CTNNA2: variants seen among roughly 807,000 people sequenced by gnomAD.
CTNNA2 encodes the protein catenin alpha 2, also known as catenin alpha-2.
A neutral mutation model predicts 101.0 loss-of-function variants in CTNNA2; 42 were observed. The ratio of observed to expected loss-of-function variants is 0.42; its 90% confidence interval spans 0.32 to 0.54. The LOEUF (loss-of-function observed/expected upper bound fraction) is 0.54, where lower values mean the gene tolerates loss of function less well. Among genes scored for constraint, CTNNA2 ranks in the 20% least tolerant of loss-of-function variants. The probability of loss-of-function intolerance (pLI) is 0.14; values close to 1 mark genes in which losing one functional copy is unlikely to be tolerated. For synonymous variants in CTNNA2, 450 were observed against 456.4 expected (o/e 0.99, Z 0.18); for missense variants, 871 against 1,223.1 (o/e 0.71, Z 4.29).
chr2:79,930,861 T>C (rs1687393317), intron 7 of CTNNA2, among the ~76,000 whole-genome samples: 1 of 152,204 alleles, frequency 6.6e-6, no homozygotes. Context: ...CTTTGGAATA[T>C]CCCTGGCTTG....
intron 3 of CTNNA2, among the ~76,000 whole-genome samples, chr2:79,753,135 G>A (rs781743642): frequency 1.4e-5 from 2 of 142,006 alleles, no homozygotes; most frequent in African/African-American, 5.2e-5. Flanking sequence ...TGGATCTCCC[G>A]TACATTTTTA....
intron 3 of CTNNA2, among the ~76,000 whole-genome samples, chr2:79,796,401 A>AAG (rs1675702627): frequency 6.6e-6 from 1 of 152,004 alleles, no homozygotes; most frequent in African/African-American, 2.4e-5. Context: ...TCTCAAAAAA[A>AAG]AAAAAAAAAA....
intron 7 of CTNNA2, among the ~76,000 whole-genome samples, chr2:79,993,291 C>A (rs1037239166): frequency 6.6e-6 from 1 of 152,192 alleles, no homozygotes; most frequent in African/African-American, 2.4e-5. Context: ...CAACTTCCTG[C>A]AGCATGGTAT....
intron 7 of CTNNA2, among the ~76,000 whole-genome samples, chr2:80,209,220 GAGA>G (rs1707732930): frequency 1.5e-4 from 20 of 137,640 alleles, no homozygotes; most frequent in Admixed American, 1.4e-3. Flanking sequence ...TTTTTTTTCT[GAGA>G]AGGAGTCTTG....
At chr2:79,185,495 T>C (rs956484163) in intron 1 of CTNNA2, 1 of 152,204 alleles carries the variant, frequency 6.6e-6, no homozygotes, top group Non-Finnish European at 1.5e-5. Flanking sequence ...TTTTCATGTA[T>C]CTTGGGACAT....
At chr2:79,208,714 C>A (rs1572979178) in intron 2 of CTNNA2, among the ~76,000 whole-genome samples, 1 of 152,290 alleles carries the variant, frequency 6.6e-6, no homozygotes, top group South Asian at 2.1e-4. Context: ...CCATTCAGGG[C>A]CCTCTTCATT....
intron 7 of CTNNA2, among the ~76,000 whole-genome samples, chr2:80,020,628 T>C (rs1295637562): frequency 6.6e-6 from 1 of 152,218 alleles, no homozygotes; most frequent in East Asian, 1.9e-4. Context: ...ACTATTCTTC[T>C]ATACTATGCA....
At chr2:80,210,738 G>T (rs1486636518) in intron 7 of CTNNA2, among the ~76,000 whole-genome samples, 1 of 152,132 alleles carries the variant, frequency 6.6e-6, no homozygotes, top group Non-Finnish European at 1.5e-5. Flanking sequence ...CCCAGTAATG[G>T]CATGGCTGGG....
chr2:79,810,730 A>T (rs1171013065), intron 3 of CTNNA2, among the ~76,000 whole-genome samples: 1 of 148,780 alleles, frequency 6.7e-6, no homozygotes, highest in African/African-American at 2.5e-5. Context: ...TCCTGTGTCC[A>T]TGTGTTCTCA....
At chr2:80,576,820 G>T (rs182557878) in intron 13 of CTNNA2, among the ~76,000 whole-genome samples, 75 of 120,878 alleles carry the variant, frequency 6.2e-4, no homozygotes, top group Admixed American at 1.1e-3. Context: ...ACAAAAATCA[G>T]CCAGGCATGT....
chr2:79,528,788 A>C (rs562390044), intron 1 of CTNNA2, among the ~76,000 whole-genome samples: 62 of 152,274 alleles, frequency 4.1e-4, no homozygotes, highest in Middle Eastern at 6.8e-3. Flanking sequence ...AATTATGTTT[A>C]TATCTAGCCA....
chr2:79,795,553 T>C (rs1013261838), intron 3 of CTNNA2, among the ~76,000 whole-genome samples: 2 of 152,130 alleles, frequency 1.3e-5, no homozygotes, highest in African/African-American at 4.8e-5. Context: ...ATTTAATTTG[T>C]TTATGAAAAG....
At chr2:80,256,360 G>T (rs1227132276) in intron 7 of CTNNA2, among the ~76,000 whole-genome samples, 2 of 152,076 alleles carry the variant, frequency 1.3e-5, no homozygotes, top group Non-Finnish European at 2.9e-5. Flanking sequence ...TGTGTTAGTA[G>T]CTCCTCTGTG....
chr2:80,277,405 C>A (rs1673988764), intron 7 of CTNNA2, among the ~76,000 whole-genome samples: 1 of 152,034 alleles, frequency 6.6e-6, no homozygotes, highest in Non-Finnish European at 1.5e-5. Flanking sequence ...CCTCTGATTG[C>A]ATGATTGCTC....
At chr2:79,862,133 T>C (rs1383523316) in intron 4 of CTNNA2, among the ~76,000 whole-genome samples, 1 of 152,236 alleles carries the variant, frequency 6.6e-6, no homozygotes, top group Non-Finnish European at 1.5e-5. Context: ...TAGATGTGTA[T>C]GTCAGAGGAA....
chr2:80,556,281 A>T (rs1337518192), intron 12 of CTNNA2, among the ~76,000 whole-genome samples: 1 of 152,214 alleles, frequency 6.6e-6, no homozygotes, highest in Non-Finnish European at 1.5e-5. Context: ...TGCAGATGTG[A>T]TAAGAACTTG....
intron 8 of CTNNA2, among the ~76,000 whole-genome samples, chr2:80,398,700 CAAAA>C (rs1236606091): frequency 2.0e-5 from 2 of 97,702 alleles, no homozygotes; most frequent in African/African-American, 3.3e-5. Context: ...GCTAAAAATA[CAAAA>C]AAAAAAAAAA....
intron 7 of CTNNA2, among the ~76,000 whole-genome samples, chr2:79,914,585 GA>G (rs965750883): frequency 9.2e-5 from 14 of 151,700 alleles, no homozygotes; most frequent in African/African-American, 3.4e-4. Context: ...TGTGTAGCTC[GA>G]ATTTTTTTTA....
chr2:79,691,431 T>C (rs891046103), intron 2 of CTNNA2, among the ~76,000 whole-genome samples: 2 of 151,774 alleles, frequency 1.3e-5, no homozygotes, highest in Admixed American at 1.3e-4. Context: ...ATATTAGTAA[T>C]GGCATAACAA....
Sources: allele counts gnomAD v4.1 joint callset (sites outside exome capture counted in the v4.1 genomes callset), GRCh38; gene constraint gnomAD v4.1.1; transcripts MANE v1.5; gene names NCBI Gene and HGNC (gene_info 2026-07-23, HGNC 2026-07-21).